The following GHR variants were observed in gnomAD, a reference collection of about 807,000 sequenced individuals.
GHR encodes growth hormone receptor.
In GHR, 35 loss-of-function variants were observed where a neutral mutation model predicts 67.1. That is an observed-to-expected ratio of 0.52 (90% confidence interval 0.40 to 0.69). GHR has a LOEUF of 0.69. Among genes scored for constraint, GHR ranks in the 30% least tolerant of loss-of-function variants. The probability of loss-of-function intolerance (pLI) is 0.00; values close to 1 mark genes in which losing one functional copy is unlikely to be tolerated. For synonymous variants in GHR, 272 were observed against 269.1 expected, an observed-to-expected ratio of 1.01 and a Z score of -0.10; for missense variants, 792 against 764.6, an observed-to-expected ratio of 1.04 and a Z score of -0.42.
At chr5:42,444,558 A>G (rs565156122) in intron 1 of GHR, among the ~76,000 whole-genome samples, 53 of 152,298 alleles carry the variant, frequency 3.5e-4, no homozygotes, top group African/African-American at 1.2e-3. Context: ...AATGCCCTCA[A>G]AAATCATCTT....
chr5:42,665,252 A>G (rs1049200361), intron 3 of GHR, among the ~76,000 whole-genome samples: 137 of 152,334 alleles, frequency 9.0e-4, no homozygotes, highest in South Asian at 2.1e-3. Context: ...TACTGGGTAT[A>G]TACCCAAATG....
chr5:42,431,623 G>A (rs1347827383), intron 1 of GHR, among the ~76,000 whole-genome samples: 1 of 152,180 alleles, frequency 6.6e-6, no homozygotes, highest in East Asian at 1.9e-4. Context: ...TGTGTTTACT[G>A]TTTTGATTAG....
At chr5:42,638,003 G>A (rs903628572) in intron 3 of GHR, among the ~76,000 whole-genome samples, 3 of 152,146 alleles carry the variant, frequency 2.0e-5, no homozygotes, top group Admixed American at 6.5e-5. Flanking sequence ...GCAGTGGTGC[G>A]ATTTCGGCTC....
chr5:42,712,591 A>G (rs1758516753), intron 7 of GHR, among the ~76,000 whole-genome samples: 1 of 152,154 alleles, frequency 6.6e-6, no homozygotes, highest in South Asian at 2.1e-4. Context: ...AGACTATTTC[A>G]GCATAAAGAC....
At chr5:42,579,389 C>T (rs1171287944) in intron 2 of GHR, among the ~76,000 whole-genome samples, 2 of 152,136 alleles carry the variant, frequency 1.3e-5, no homozygotes, top group African/African-American at 2.4e-5. Context: ...TGAAACGTTG[C>T]AGCATTTTCT....
At position 42,594,176 on chromosome 5, in the gene GHR, A is replaced by G. The variant is rs116492160; in HGVS notation, c.70+28232A>G. Among the ~76,000 whole-genome samples, 507 of 152,328 alleles carry G rather than the reference A, an allele frequency of 3.3e-3. 2 individuals are homozygous for G. The highest frequency in any genetic ancestry group is 0.012 in the African/African-American group (490 of 41,574). ...TATCACTTTAGCCTCCTTGACTTCT[A>G]GACCAGCAGTTCCCAAACTTTTCAA... On this transcript the variant is annotated intron_variant, in intron 2 of 9. Coordinates refer to ENST00000230882, the MANE Select transcript of GHR (RefSeq NM_000163.5).
chr5:42,542,589 C>T (rs1748563457), intron 1 of GHR, among the ~76,000 whole-genome samples: 1 of 152,060 alleles, frequency 6.6e-6, no homozygotes, highest in Non-Finnish European at 1.5e-5. Flanking sequence ...TCTTATCTTC[C>T]TGCAAAAATA....
chr5:42,718,820 A>T lies in GHR; in HGVS notation c.1313A>T (p.Asp438Val). 1 of 1,614,148 alleles carries T rather than the reference A, an allele frequency of 6.2e-7. No individual in the cohort carries two copies. The highest frequency in any genetic ancestry group is 8.5e-7 in the Non-Finnish European group (1 of 1,180,026). Reference protein sequence around the residue: ...QKNQNNSPYHDACPATQQPSV... With the variant: ...QKNQNNSPYHVACPATQQPSV... Reference sequence around the variant, plus strand: ...AATCAAAATAACTCACCTTATCATGATGCTTGCCCTGCTACTCAGCAGCCC... The same window carrying T: ...AATCAAAATAACTCACCTTATCATGTTGCTTGCCCTGCTACTCAGCAGCCC... Residue 438 changes from aspartate (D) to valine (V), a missense_variant, in exon 10 of 10, where the codon GAT (aspartate) becomes GTT (valine). Transcript: ENST00000230882.
At chr5:42,433,732 A>ATTTTTTTTTTTTTTT (rs35539827) in intron 1 of GHR, among the ~76,000 whole-genome samples, 2 of 77,584 alleles carry the variant, frequency 2.6e-5, no homozygotes, top group Non-Finnish European at 4.7e-5. Context: ...AAGATATGGT[A>ATTTTTTTTTTTTTTT]TTTTTTTTTT....
intron 2 of GHR, among the ~76,000 whole-genome samples, chr5:42,576,123 T>TAAAAAAATAAAATAAAATAA (rs1184410153): frequency 1.2e-5 from 1 of 84,968 alleles, no homozygotes; most frequent in African/African-American, 5.1e-5. Flanking sequence ...TAAAATAAAA[T>TAAAAAAATAAAATAAAATAA]AAAATAAAAT....
intron 5 of GHR, among the ~76,000 whole-genome samples, chr5:42,695,324 A>G (rs1757623131): frequency 6.6e-6 from 1 of 152,218 alleles, no homozygotes; most frequent in Admixed American, 6.5e-5. Flanking sequence ...AGAAGAGAAT[A>G]GGAACCTTGT....
In GHR at chr5:42,610,626, T is replaced by C. The variant is rs538493093; in HGVS notation, c.71-18412T>C. On this transcript the variant is annotated intron_variant, in intron 2 of 9. Transcript: ENST00000230882. ...AAATGGAGAAGGAGCTGCAGAAGGC[T>C]GGAAGAGATGACCACTGCAGTACAG... 4.7e-5 allele frequency among the ~76,000 whole-genome samples: 7 copies of C among 149,366 alleles called. No individual in the cohort carries two copies. The South Asian group carries it at 1.3e-3, about 27-fold the overall frequency.
In GHR at chr5:42,711,351, A is replaced by G. The variant is rs1758450353; in HGVS notation, c.763A>G (p.Ser255Gly). 6.2e-7 allele frequency: 1 copy of G among 1,612,196 alleles called. No individual in the cohort carries two copies. The highest frequency in any genetic ancestry group is 8.5e-7 in the Non-Finnish European group (1 of 1,178,340). The change falls in exon 7 of 10, where the codon AGC becomes GGC. Residue 255 changes from serine (S) to glycine (G), a missense_variant. Transcript: ENST00000230882. ...EVLYVTLPQM[S>G]QFTCEEDFYF... Reference sequence around the variant, plus strand: ...GCTCTATGTAACACTTCCTCAGATGAGCCAATTTACATGTGAAGAAGGTAA... The same window carrying G: ...GCTCTATGTAACACTTCCTCAGATGGGCCAATTTACATGTGAAGAAGGTAA...
intron 1 of GHR, among the ~76,000 whole-genome samples, chr5:42,549,366 T>C (rs1352711938): frequency 1.3e-5 from 2 of 152,176 alleles, no homozygotes; most frequent in Non-Finnish European, 2.9e-5. Context: ...AAACTGGTTG[T>C]GCTAGGTAGT....
At chr5:42,699,390 T>C (rs1330581904) in intron 5 of GHR, among the ~76,000 whole-genome samples, 1 of 152,156 alleles carries the variant, frequency 6.6e-6, no homozygotes, top group East Asian at 1.9e-4. Context: ...AGGCCATACA[T>C]AGTTGCAAGA....
At chr5:42,691,747 T>TGG (rs1416079125) in intron 4 of GHR, among the ~76,000 whole-genome samples, 2 of 152,252 alleles carry the variant, frequency 1.3e-5, no homozygotes, top group Admixed American at 6.5e-5. Context: ...GTGTTTTGCC[T>TGG]GGCTCTGCTC....
intron 1 of GHR, among the ~76,000 whole-genome samples, chr5:42,480,734 T>G (rs1745589472): frequency 6.6e-6 from 1 of 152,236 alleles, no homozygotes; most frequent in Non-Finnish European, 1.5e-5. Context: ...GTTTTCCATT[T>G]GCTTGGTAGA....
chr5:42,579,088 TAG>T (rs1431296599), intron 2 of GHR, among the ~76,000 whole-genome samples: 1 of 88,320 alleles, frequency 1.1e-5, no homozygotes, highest in Non-Finnish European at 2.5e-5. Context: ...GATAGATAGA[TAG>T]ATAGATAGAT....
chr5:42,650,578 C>CATAT (rs35408817), intron 3 of GHR, among the ~76,000 whole-genome samples: 37,317 of 128,764 alleles, frequency 0.29, 5,983 homozygotes, highest in Middle Eastern at 0.39. Context: ...TTACAGATAA[C>CATAT]ATATATATAT....
Sources: gnomAD v4.1 joint callset for allele counts (sites outside exome capture counted in the v4.1 genomes callset) on GRCh38, gnomAD v4.1.1 for gene constraint, MANE v1.5 for transcripts, NCBI Gene and HGNC (gene_info 2026-07-23, HGNC 2026-07-21) for gene names.